Variants in FAM184A observed in about 807,000 individuals in gnomAD.
FAM184A encodes family with sequence similarity 184 member A.
FAM184A carries 99 observed loss-of-function variants against 143.8 expected under a neutral mutation model. That is an observed-to-expected ratio of 0.69 (90% confidence interval 0.58 to 0.81). FAM184A has a LOEUF of 0.81. FAM184A is among the 40% of genes least tolerant of loss of function. The pLI is 0.00. For synonymous variants in FAM184A, 427 were observed against 446.4 expected, an observed-to-expected ratio of 0.96 and a Z score of 0.55; for missense variants, 1,217 against 1,310.5, an observed-to-expected ratio of 0.93 and a Z score of 1.10.
chr6:119,133,868 G>T (rs191575638), intron 1 of FAM184A, among the ~76,000 whole-genome samples: 60 of 151,502 alleles, frequency 4.0e-4, no homozygotes, highest in Admixed American at 3.0e-3. Context: ...TGTTGTCCAG[G>T]CTTGTCTCAA....
chr6:119,062,269 C>T (rs1787288023), intron 1 of FAM184A, among the ~76,000 whole-genome samples: 1 of 152,304 alleles, frequency 6.6e-6, no homozygotes, highest in Non-Finnish European at 1.5e-5. Flanking sequence ...ATGTATAGTG[C>T]TTAACACAAT....
chr6:119,067,984 A>T (rs964117933), intron 1 of FAM184A, among the ~76,000 whole-genome samples: 2 of 151,294 alleles, frequency 1.3e-5, no homozygotes, highest in Admixed American at 1.3e-4. Context: ...AAAAATAAAT[A>T]AATAAACAAA....
chr6:118,975,198 T>C lies in FAM184A; in HGVS notation c.2594A>G (p.His865Arg). The change falls in exon 13 of 18, where the codon CAC (histidine) becomes CGC (arginine). Residue 865 changes from histidine to arginine, a missense_variant. Coordinates refer to ENST00000338891, the MANE Select transcript of FAM184A (RefSeq NM_024581.6). ...TTGTAGATCTGTAATTCTACATATG[T>C]GCTCCTTACTCTGTTAAAAAAAAAA... ...IDISRRQSKE[H>R]ICRITDLQEE... is the part of the protein sequence containing the mutation. 1 of 1,582,028 alleles carries C rather than the reference T, an allele frequency of 6.3e-7. No homozygotes were observed. The highest frequency in any genetic ancestry group is 1.2e-5 in the South Asian group (1 of 85,162).
At chr6:119,016,109 GTAAC>G (rs1202827635) in intron 5 of FAM184A, among the ~76,000 whole-genome samples, 1 of 152,168 alleles carries the variant, frequency 6.6e-6, no homozygotes, top group African/African-American at 2.4e-5. Flanking sequence ...GTGAAACTCT[GTAAC>G]TAACTAATCT....
chr6:119,096,922 G>A (rs895124374), intron 1 of FAM184A, among the ~76,000 whole-genome samples: 6 of 152,128 alleles, frequency 3.9e-5, no homozygotes, highest in Non-Finnish European at 7.3e-5. Context: ...TAGAGACAAA[G>A]CAAAGCATTC....
chr6:119,113,867 G>A (rs567469207), intron 1 of FAM184A, among the ~76,000 whole-genome samples: 18 of 152,192 alleles, frequency 1.2e-4, no homozygotes, highest in Admixed American at 7.2e-4. Context: ...GCTTGAACCC[G>A]GGAGGCAGAG....
chr6:118,984,315 G>C (rs1005990704), intron 9 of FAM184A, among the ~76,000 whole-genome samples: 2 of 150,414 alleles, frequency 1.3e-5, no homozygotes, highest in Admixed American at 6.7e-5. Flanking sequence ...AGCCTCCTAA[G>C]TAGCTGGGAC....
chr6:118,966,066 C>T (rs1052329326), intron 15 of FAM184A, among the ~76,000 whole-genome samples: 16 of 152,162 alleles, frequency 1.1e-4, no homozygotes, highest in African/African-American at 3.6e-4. Flanking sequence ...CTGTTGCTTT[C>T]AGCAGGAACT....
At chr6:119,106,439 G>A (rs577407146) in intron 1 of FAM184A, among the ~76,000 whole-genome samples, 1 of 152,312 alleles carries the variant, frequency 6.6e-6, no homozygotes, top group Non-Finnish European at 1.5e-5. Context: ...TTTAAAAAGA[G>A]AATGTATTAA....
At chr6:118,991,751 C>CTTTTT (rs61476918) in intron 9 of FAM184A, among the ~76,000 whole-genome samples, 595 of 42,374 alleles carry the variant, frequency 0.014, 96 homozygotes, top group Middle Eastern at 0.032. Flanking sequence ...CCTGAGAGGA[C>CTTTTT]TTTTTTTTTT....
intron 1 of FAM184A, among the ~76,000 whole-genome samples, chr6:119,068,229 T>A (rs1302269113): frequency 1.3e-5 from 2 of 151,996 alleles, no homozygotes; most frequent in African/African-American, 4.8e-5. Flanking sequence ...GTATTTTTAG[T>A]AGAGACAGGG....
At chr6:119,073,590 G>T (rs1489237457) in intron 1 of FAM184A, among the ~76,000 whole-genome samples, 1 of 152,194 alleles carries the variant, frequency 6.6e-6, no homozygotes, top group Non-Finnish European at 1.5e-5. Flanking sequence ...AGGTTTCAGA[G>T]ATTTCCCTGG....
At chr6:119,134,893 C>T (rs1291704682) in intron 1 of FAM184A, among the ~76,000 whole-genome samples, 1 of 152,096 alleles carries the variant, frequency 6.6e-6, no homozygotes, top group East Asian at 1.9e-4. Flanking sequence ...ACACTATCCC[C>T]TGCTTGTGGG....
chr6:119,133,623 G>A (rs998852185), intron 1 of FAM184A, among the ~76,000 whole-genome samples: 1 of 151,872 alleles, frequency 6.6e-6, no homozygotes, highest in African/African-American at 2.4e-5. Context: ...CCAAGAAATG[G>A]GTGTGATGTG....
chr6:118,974,209 G>A (rs1216415562), intron 14 of FAM184A, among the ~76,000 whole-genome samples: 3 of 152,098 alleles, frequency 2.0e-5, no homozygotes, highest in African/African-American at 2.4e-5. Flanking sequence ...TGTTCTAGCA[G>A]AACTGGTGCA....
At chr6:118,969,230 G>A (rs1783595522) in intron 14 of FAM184A, among the ~76,000 whole-genome samples, 2 of 152,186 alleles carry the variant, frequency 1.3e-5, no homozygotes, top group Admixed American at 6.5e-5. Flanking sequence ...GCTGAACTGT[G>A]AGTCAATTAA....
chr6:119,078,062 G>A lies in FAM184A; in HGVS notation c.159+79C>T. Reference sequence around the variant, plus strand: ...GTTCCCCTCGCTGCGGGCGCAGGGCGCACTGCCTCCCGGGGAGACAGGTGA... The same window carrying A: ...GTTCCCCTCGCTGCGGGCGCAGGGCACACTGCCTCCCGGGGAGACAGGTGA... On this transcript the variant is annotated intron_variant, in intron 1 of 17. Transcript: ENST00000338891. This position sits in a 1 kb window ranked among gnomAD's most constrained non-coding sequence, Gnocchi z 5.5. 6.8e-7 allele frequency: 1 copy of A among 1,475,152 alleles called. No homozygotes were observed. Among genetic ancestry groups the A allele is most frequent in the East Asian group, 2.5e-5 (1 of 39,322 alleles). 91.4% of individuals were successfully genotyped at this position (1,475,152 alleles called of 1,614,324 possible). A position where few individuals can be genotyped will look rare whatever the true frequency, so the allele number is the denominator to read the frequency against.
intron 1 of FAM184A, among the ~76,000 whole-genome samples, chr6:119,144,578 C>T (rs1458491449): frequency 6.6e-6 from 1 of 152,208 alleles, no homozygotes; most frequent in Non-Finnish European, 1.5e-5. Flanking sequence ...GTGCTAGGTT[C>T]TTTTCTCAAA....
At chr6:119,054,676 T>C (rs1373127282) in intron 1 of FAM184A, among the ~76,000 whole-genome samples, 1 of 152,164 alleles carries the variant, frequency 6.6e-6, no homozygotes, top group African/African-American at 2.4e-5. Context: ...ATCAATATTT[T>C]TATTTGATAT....
Sources: allele counts gnomAD v4.1 joint callset (sites outside exome capture counted in the v4.1 genomes callset), GRCh38; gene constraint gnomAD v4.1.1; non-coding constraint Gnocchi (gnomAD v3.1); transcripts MANE v1.5; gene names NCBI Gene and HGNC (gene_info 2026-07-23, HGNC 2026-07-21).